NOBOX: variants seen among roughly 807,000 people sequenced by gnomAD.
NOBOX encodes NOBOX oogenesis homeobox.
A neutral mutation model predicts 60.2 loss-of-function variants in NOBOX; 46 were observed. The ratio of observed to expected loss-of-function variants is 0.76; its 90% confidence interval spans 0.60 to 0.98. The LOEUF (loss-of-function observed/expected upper bound fraction) is 0.98, where lower values mean the gene tolerates loss of function less well. NOBOX is among the 50% of genes least tolerant of loss of function. NOBOX has a pLI of 0.00. For missense variants in NOBOX, 880 were observed against 865.5 expected, an observed-to-expected ratio of 1.02 and a Z score of -0.21; for synonymous variants, 360 against 346.3, an observed-to-expected ratio of 1.04 and a Z score of -0.44.
intron 4 of NOBOX, 121 bp from the exon 3 acceptor site, chr7:144,400,433 T>A: frequency 2.5e-6 from 2 of 814,218 alleles, no homozygotes; most frequent in Admixed American, 2.5e-5. Flanking sequence ...CCCAACACTT[T>A]CCCAAAGCCT....
intron 6 of NOBOX, 132 bp from the exon 5 acceptor site, chr7:144,399,614 C>T: frequency 9.0e-7 from 1 of 1,113,976 alleles, no homozygotes; most frequent in Non-Finnish European, 1.3e-6. Flanking sequence ...GATCCCATGG[C>T]AGCCAAAATC....
chr7:144,402,525 C>T (rs1028279655), intron 2 of NOBOX, among the ~76,000 whole-genome samples: 2 of 152,118 alleles, frequency 1.3e-5, no homozygotes, highest in Non-Finnish European at 2.9e-5. Context: ...ACCCTGAGCA[C>T]GTACTCTGTG....
Position 144,400,405 on chromosome 7 carries a change from T to A in NOBOX, c.845-93A>T, listed in dbSNP as rs534436735. On this transcript the variant is annotated intron_variant, in intron 4 of 9. Transcript: ENST00000467773. Reference sequence around the variant, plus strand: ...GTGCTCACCAAGTATCTCCAACAGATGGGGCCACTGCCCCTAACCCAACAC... The same window carrying A: ...GTGCTCACCAAGTATCTCCAACAGAAGGGGCCACTGCCCCTAACCCAACAC... 1.1e-5 allele frequency: 12 copies of A among 1,120,502 alleles called. No homozygotes were observed. In the East Asian group the frequency reaches 2.6e-4, roughly 25 times the overall value. 69.4% of individuals were successfully genotyped at this position (1,120,502 alleles called of 1,614,324 possible). A position where few individuals can be genotyped will look rare whatever the true frequency, so the allele number is the denominator to read the frequency against.
At chr7:144,398,254 G>A in intron 9 of NOBOX, 28 bp downstream of exon 7, 1 of 1,534,792 alleles carries the variant, frequency 6.5e-7, no homozygotes, top group South Asian at 1.2e-5. Context: ...CAATCTCAAG[G>A]GGACCTTCTC....
At position 144,401,139 on chromosome 7, in the gene NOBOX, A is replaced by G. The variant is rs752883311; in HGVS notation, c.751T>C (p.Leu251=). ...TCTCTGTTTTGGTTGCTCTGCGCCA[A>G]TGTACTGAGGAGATTGGCCAGGTGG... Residue 251 remains leucine (L), a synonymous_variant, in exon 4 of 10, where the codon TTG becomes CTG. Transcript: ENST00000467773. The surrounding 1 kb of genome is among the most constrained non-coding windows in gnomAD (Gnocchi z 4.2). 4.4e-6 allele frequency: 7 copies of G among 1,601,182 alleles called. No homozygotes were observed. Among genetic ancestry groups the G allele is most frequent in the Non-Finnish European group, 6.0e-6 (7 of 1,173,116 alleles).
chr7:144,404,569 T>C lies in NOBOX; in HGVS notation c.197A>G (p.Glu66Gly). Reference sequence around the variant, plus strand: ...CGCCCCCCGTACTGATTTGAGGGTCTCCAGAGCACAAAGGCTGCACCGGAT... The same window carrying C: ...CGCCCCCCGTACTGATTTGAGGGTCCCCAGAGCACAAAGGCTGCACCGGAT... The change falls in exon 2 of 10, where the codon GAG becomes GGG. Residue 66 changes from glutamate to glycine, a missense_variant. Glu to Gly is a moderately conservative substitution (Grantham distance 98). Coordinates refer to ENST00000467773, the MANE Select transcript of NOBOX (RefSeq NM_001080413.3). 1 of 1,613,252 alleles carries C rather than the reference T, an allele frequency of 6.2e-7. No homozygotes were observed. Among genetic ancestry groups the C allele is most frequent in the South Asian group, 1.1e-5 (1 of 90,648 alleles).
rs1587092649 is a variant in NOBOX, at chr7:144,401,652, C to G, written c.293-55G>C. On this transcript the variant is annotated intron_variant, in intron 3 of 9. Coordinates refer to ENST00000467773, the MANE Select transcript of NOBOX (RefSeq NM_001080413.3). This position sits in a 1 kb window ranked among gnomAD's most constrained non-coding sequence, Gnocchi z 4.2. Reference sequence around the variant, plus strand: ...GCACCAGGGAGAAGGAAGAACTGGACCAAGAGGAAGTGCTGCTTCCTGCTT... The same window carrying G: ...GCACCAGGGAGAAGGAAGAACTGGAGCAAGAGGAAGTGCTGCTTCCTGCTT... 1.4e-6 allele frequency: 2 copies of G among 1,475,254 alleles called. No homozygotes were observed. Among genetic ancestry groups the G allele is most frequent in the East Asian group, 4.6e-5 (2 of 43,756 alleles). 91.4% of individuals were successfully genotyped at this position (1,475,254 alleles called of 1,614,324 possible).
chr7:144,401,493 G>A lies in NOBOX; in HGVS notation c.397C>T (p.Pro133Ser). 1 of 1,538,990 alleles carries A rather than the reference G, an allele frequency of 6.5e-7. No homozygotes were observed. Among genetic ancestry groups the A allele is most frequent in the Non-Finnish European group, 8.7e-7 (1 of 1,146,572 alleles). The change falls in exon 4 of 10, where the codon CCC becomes TCC. Residue 133 changes from proline (P) to serine (S), a missense_variant. Transcript: ENST00000467773. This position sits in a 1 kb window ranked among gnomAD's most constrained non-coding sequence, Gnocchi z 4.2. ...TTCTCTCCTGAGATGGTGCAGGAGG[G>A]TGGCAGTTCCTCACTCTGAGTGTCC... is the stretch of plus-strand genomic sequence containing the variant.
At chr7:144,397,668 G>T in intron 9 of NOBOX, 127 bp from the exon 8 acceptor site, 1 of 808,894 alleles carries the variant, frequency 1.2e-6, no homozygotes, top group Non-Finnish European at 1.9e-6. Context: ...CTCAGTGTAA[G>T]TCTGGGTCAA....
At chr7:144,408,414 G>C (rs1010473830) in intron 1 of NOBOX, among the ~76,000 whole-genome samples, 30 of 152,074 alleles carry the variant, frequency 2.0e-4, no homozygotes, top group Admixed American at 2.6e-4. Context: ...AGGCTGAACT[G>C]ATTAGCGTTT....
chr7:144,400,092 C>T, intron 5 of NOBOX, 114 bp downstream of exon 3: 8 of 1,607,822 alleles, frequency 5.0e-6, no homozygotes, highest in Non-Finnish European at 6.8e-6. Flanking sequence ...ACGTCTGAGG[C>T]CTCAATTCAG....
rs747372411 is a variant in NOBOX, at chr7:144,398,976, G to A, written c.1443C>T (p.Asp481=). The stretch of plus-strand genomic sequence containing the variant: ...TTGTCCCCCAGGACCCACAGGGGCC[G>A]TCCTTGTGGCTGCTGTCACTGCCAG... Residue 481 remains aspartate, a synonymous_variant, in exon 8 of 10, where the codon GAC becomes GAT. Coordinates refer to ENST00000467773, the MANE Select transcript of NOBOX (RefSeq NM_001080413.3). The A allele has an allele frequency of 6.6e-5, 104 of 1,570,700 alleles. No individual in the cohort carries two copies. Among genetic ancestry groups the A allele is most frequent in the South Asian group, 1.2e-4 (10 of 85,644 alleles).
At chr7:144,397,929 A>G (rs2053905304) in intron 9 of NOBOX, among the ~76,000 whole-genome samples, 2 of 152,160 alleles carry the variant, frequency 1.3e-5, no homozygotes, top group South Asian at 4.1e-4. Context: ...ACTCTAGGCC[A>G]AATATTTTCA....
intron 1 of NOBOX, among the ~76,000 whole-genome samples, chr7:144,408,648 G>A (rs556993025): frequency 6.6e-6 from 1 of 152,302 alleles, no homozygotes; most frequent in African/African-American, 2.4e-5. Flanking sequence ...AGTTAGTCTG[G>A]TTCCTGCCTG....
chr7:144,398,840 C>T, intron 8 of NOBOX, 110 bp downstream of exon 6: 1 of 682,354 alleles, frequency 1.5e-6, no homozygotes. Flanking sequence ...CTGTACCACT[C>T]TGTGCTCCTC....
At chr7:144,409,568 A>G (rs991496357) in intron 1 of NOBOX, among the ~76,000 whole-genome samples, 4 of 152,228 alleles carry the variant, frequency 2.6e-5, no homozygotes, top group African/African-American at 9.6e-5. Context: ...AAGTCTTCAG[A>G]ATTTATTGAG....
intron 1 of NOBOX, among the ~76,000 whole-genome samples, chr7:144,405,229 TG>T: frequency 6.6e-6 from 1 of 152,314 alleles, no homozygotes; most frequent in African/African-American, 2.4e-5. Flanking sequence ...TTCAGATAGA[TG>T]GGGCCCAGTT....
rs1166398843 is a variant in NOBOX at position 144,400,412 on chromosome 7, A to G, written c.845-100T>C. On this transcript the variant is annotated intron_variant, in intron 4 of 9. Transcript: ENST00000467773. Reference sequence around the variant, plus strand: ...CCAAGTATCTCCAACAGATGGGGCCACTGCCCCTAACCCAACACTTTCCCA... The same window carrying G: ...CCAAGTATCTCCAACAGATGGGGCCGCTGCCCCTAACCCAACACTTTCCCA... 6 of 1,016,978 alleles carry G rather than the reference A, an allele frequency of 5.9e-6. No homozygotes were observed. In the East Asian group the frequency reaches 7.4e-5, roughly 12 times the overall value. The allele number at this position is 1,016,978 out of a possible 1,614,324, so 63.0% of individuals were successfully genotyped here.
rs143092595 is a variant in NOBOX, at chr7:144,405,528, G to T, written c.86-848C>A. Among the ~76,000 whole-genome samples, 417 of 152,274 alleles carry T rather than the reference G, an allele frequency of 2.7e-3. 3 individuals are homozygous for T. The highest frequency in any genetic ancestry group is 9.8e-3 in the African/African-American group (407 of 41,546). On this transcript the variant is annotated intron_variant, in intron 1 of 9. Transcript: ENST00000467773. ...ACTAGGATGGAAGCTTCTTGGAGAA[G>T]GTGACACGTGGGCTATGAGCTGTGG...
Sources: gnomAD v4.1 joint callset for allele counts (sites outside exome capture counted in the v4.1 genomes callset) on GRCh38, gnomAD v4.1.1 for gene constraint, Gnocchi (gnomAD v3.1) non-coding constraint, MANE v1.5 for transcripts, NCBI Gene and HGNC (gene_info 2026-07-23, HGNC 2026-07-21) for gene names.